The following TACR3 variants were observed in gnomAD, a reference collection of about 807,000 sequenced individuals.
TACR3 encodes neuromedin-K receptor.
In TACR3, 34 loss-of-function variants were observed where a neutral mutation model predicts 35.0. The observed-to-expected ratio is 0.97, with a 90% CI of 0.74 to 1.30. TACR3 has a LOEUF of 1.30. TACR3 is among the 50% of genes most tolerant of loss of function. The pLI is 0.00. For synonymous variants in TACR3, 233 were observed against 221.1 expected (o/e 1.05, Z -0.48); for missense variants, 558 against 591.7 (o/e 0.94, Z 0.59).
intron 1 of TACR3, among the ~76,000 whole-genome samples, chr4:103,696,777 T>A (rs1722527985): frequency 6.6e-6 from 1 of 152,184 alleles, no homozygotes. Context: ...AGTATCAACA[T>A]TCCCTCCATC....
chr4:103,601,020 A>T (rs1188013448), intron 3 of TACR3, among the ~76,000 whole-genome samples: 1 of 151,878 alleles, frequency 6.6e-6, no homozygotes, highest in African/African-American at 2.4e-5. Flanking sequence ...ATCTTTGTTA[A>T]CTTTCTCTCG....
chr4:103,622,666 T>G (rs1331965563), intron 3 of TACR3, among the ~76,000 whole-genome samples: 1 of 152,274 alleles, frequency 6.6e-6, no homozygotes, highest in East Asian at 1.9e-4. Flanking sequence ...GAAGCGGAGC[T>G]TGCAGTGAGC....
At chr4:103,607,807 G>A (rs1415574104) in intron 3 of TACR3, among the ~76,000 whole-genome samples, 3 of 152,118 alleles carry the variant, frequency 2.0e-5, no homozygotes, top group Non-Finnish European at 4.4e-5. Flanking sequence ...CAAAGGGCTG[G>A]AAAGGATATC....
intron 3 of TACR3, among the ~76,000 whole-genome samples, chr4:103,600,482 T>G (rs58574242): frequency 0.016 from 2,485 of 152,296 alleles, 55 homozygotes; most frequent in African/African-American, 0.057. Flanking sequence ...TGATCTTAGT[T>G]ATTTCTTGCC....
At chr4:103,655,765 T>C (rs1043970102) in intron 3 of TACR3, among the ~76,000 whole-genome samples, 1 of 152,058 alleles carries the variant, frequency 6.6e-6, no homozygotes, top group African/African-American at 2.4e-5. Flanking sequence ...GATAGATGTA[T>C]ATTAGAAAAT....
intron 3 of TACR3, among the ~76,000 whole-genome samples, chr4:103,597,894 A>G (rs914277543): frequency 3.9e-5 from 6 of 152,174 alleles, no homozygotes; most frequent in African/African-American, 1.4e-4. Flanking sequence ...GCTATTGTGA[A>G]TAGTGCCGCT....
intron 3 of TACR3, among the ~76,000 whole-genome samples, chr4:103,648,628 T>C (rs1487027975): frequency 6.6e-6 from 1 of 152,148 alleles, no homozygotes; most frequent in Non-Finnish European, 1.5e-5. Context: ...CTCATTCTTT[T>C]ATGGCTGAAA....
At chr4:103,679,607 G>A (rs1213066520) in intron 1 of TACR3, among the ~76,000 whole-genome samples, 1 of 151,910 alleles carries the variant, frequency 6.6e-6, no homozygotes, top group Non-Finnish European at 1.5e-5. Flanking sequence ...TGAGGAAGCT[G>A]GGGGAGAGGA....
chr4:103,617,533 C>A (rs1269263213), intron 3 of TACR3, among the ~76,000 whole-genome samples: 2 of 152,068 alleles, frequency 1.3e-5, no homozygotes, highest in Non-Finnish European at 2.9e-5. Flanking sequence ...TAAGCAAAAT[C>A]TTTCTATTGT....
intron 3 of TACR3, among the ~76,000 whole-genome samples, chr4:103,600,409 A>G (rs1024975871): frequency 4.6e-5 from 7 of 152,270 alleles, no homozygotes; most frequent in Admixed American, 4.6e-4. Flanking sequence ...TCAAAAAACC[A>G]GCTCCTGGAT....
At chr4:103,683,381 T>C (rs1722144950) in intron 1 of TACR3, among the ~76,000 whole-genome samples, 1 of 137,582 alleles carries the variant, frequency 7.3e-6, no homozygotes, top group African/African-American at 2.7e-5. Flanking sequence ...CAAGTCAAAG[T>C]GAAGTGACAA....
At chr4:103,645,929 C>T (rs991303193) in intron 3 of TACR3, among the ~76,000 whole-genome samples, 1 of 151,970 alleles carries the variant, frequency 6.6e-6, no homozygotes, top group East Asian at 1.9e-4. Flanking sequence ...GGATCTTTCA[C>T]ATCCAAGACC....
intron 1 of TACR3, among the ~76,000 whole-genome samples, chr4:103,679,736 T>C (rs1726248049): frequency 1.3e-5 from 2 of 151,876 alleles, no homozygotes; most frequent in African/African-American, 4.8e-5. Context: ...TAACATTCCA[T>C]AATATAATGG....
chr4:103,709,627 T>A (rs1487020602), intron 1 of TACR3, among the ~76,000 whole-genome samples: 1 of 152,134 alleles, frequency 6.6e-6, no homozygotes, highest in African/African-American at 2.4e-5. Flanking sequence ...GCTAACATCA[T>A]AATGACAGGA....
chr4:103,613,775 G>A (rs1369782900), intron 3 of TACR3, among the ~76,000 whole-genome samples: 1 of 152,170 alleles, frequency 6.6e-6, no homozygotes, highest in Non-Finnish European at 1.5e-5. Context: ...TGCCAGCATG[G>A]TTACATTTTG....
At chr4:103,695,816 G>T (rs1722509213) in intron 1 of TACR3, among the ~76,000 whole-genome samples, 1 of 151,812 alleles carries the variant, frequency 6.6e-6, no homozygotes, top group Non-Finnish European at 1.5e-5. Flanking sequence ...AAGAAATACT[G>T]TATATTGTAG....
At chr4:103,627,042 C>T (rs1457507546) in intron 3 of TACR3, among the ~76,000 whole-genome samples, 3 of 150,738 alleles carry the variant, frequency 2.0e-5, no homozygotes, top group South Asian at 4.2e-4. Flanking sequence ...ATTAGCTGGG[C>T]GTGGTGGCAG....
intron 3 of TACR3, among the ~76,000 whole-genome samples, chr4:103,611,662 T>A (rs1724515579): frequency 6.6e-6 from 1 of 151,918 alleles, no homozygotes; most frequent in Non-Finnish European, 1.5e-5. Flanking sequence ...TCCTTTTTTT[T>A]AACACAGACA....
intron 1 of TACR3, among the ~76,000 whole-genome samples, chr4:103,707,693 C>T (rs997746676): frequency 1.3e-5 from 2 of 152,088 alleles, no homozygotes; most frequent in South Asian, 2.1e-4. Flanking sequence ...AGAGCCGAGG[C>T]AGGGTGAGGC....
Sources: allele counts gnomAD v4.1 joint callset (sites outside exome capture counted in the v4.1 genomes callset), GRCh38; gene constraint gnomAD v4.1.1; transcripts MANE v1.5; gene names NCBI Gene and HGNC (gene_info 2026-07-23, HGNC 2026-07-21).